The following CNTN6 variants were observed in gnomAD, a reference collection of about 807,000 sequenced individuals.
CNTN6 encodes the protein contactin 6, also known as contactin-6.
CNTN6 carries 137 observed loss-of-function variants against 122.8 expected under a neutral mutation model. The ratio of observed to expected loss-of-function variants is 1.12; its 90% CI spans 0.97 to 1.29. CNTN6 has a LOEUF of 1.29. Among genes scored for constraint, CNTN6 ranks in the 50% most tolerant of loss-of-function variants. The pLI is 0.00. For missense variants in CNTN6, 1,634 were observed against 1,223.4 expected (o/e 1.34, Z -5.01); for synonymous variants, 570 against 426.0 (o/e 1.34, Z -4.16).
intron 4 of CNTN6, among the ~76,000 whole-genome samples, chr3:1,271,247 A>G (rs2095021425): frequency 6.6e-6 from 1 of 152,146 alleles, no homozygotes. Flanking sequence ...ATACAGATCA[A>G]TCAATTTCTG....
intron 7 of CNTN6, among the ~76,000 whole-genome samples, chr3:1,316,309 C>G (rs903616996): frequency 6.6e-6 from 1 of 151,928 alleles, no homozygotes; most frequent in Non-Finnish European, 1.5e-5. Context: ...GGAAGCATAA[C>G]AGCTTCTGCT....
At chr3:1,234,371 C>A (rs143027157) in intron 4 of CNTN6, among the ~76,000 whole-genome samples, 69 of 152,186 alleles carry the variant, frequency 4.5e-4, no homozygotes, top group African/African-American at 1.6e-3. Flanking sequence ...ATTTTTATTT[C>A]TATCTTTTGA....
intron 19 of CNTN6, among the ~76,000 whole-genome samples, chr3:1,384,677 TATATATATATAC>T (rs57587572): frequency 0.12 from 15,558 of 129,156 alleles, 1,097 homozygotes; most frequent in Middle Eastern, 0.16. Flanking sequence ...TATATATATA[TATATATATATAC>T]ACACACACAC....
chr3:1,308,277 A>G (rs921935051), intron 7 of CNTN6, among the ~76,000 whole-genome samples: 17 of 122,672 alleles, frequency 1.4e-4, no homozygotes, highest in East Asian at 8.2e-4. Context: ...TCATCAATGT[A>G]TGGGGTGTTT....
chr3:1,134,231 C>T (rs1428070465), intron 1 of CNTN6, among the ~76,000 whole-genome samples: 3 of 152,122 alleles, frequency 2.0e-5, no homozygotes, highest in Non-Finnish European at 4.4e-5. Flanking sequence ...GACTTTTATA[C>T]TTGTCGTTAC....
chr3:1,145,659 A>G (rs1195688180), intron 1 of CNTN6, among the ~76,000 whole-genome samples: 2 of 152,204 alleles, frequency 1.3e-5, no homozygotes, highest in African/African-American at 4.8e-5. Flanking sequence ...ACCATTGTAT[A>G]GGTTTTTAGG....
intron 4 of CNTN6, among the ~76,000 whole-genome samples, chr3:1,229,784 C>T (rs1439519089): frequency 6.6e-6 from 1 of 152,012 alleles, no homozygotes; most frequent in African/African-American, 2.4e-5. Flanking sequence ...ATTGACTTTC[C>T]CATCTTATCA....
chr3:1,109,495 G>C (rs2091378980), intron 1 of CNTN6, among the ~76,000 whole-genome samples: 1 of 151,844 alleles, frequency 6.6e-6, no homozygotes. Context: ...TAATAGACAA[G>C]TTTCTCTGTG....
intron 12 of CNTN6, among the ~76,000 whole-genome samples, chr3:1,369,262 A>G (rs990471080): frequency 6.6e-6 from 1 of 152,258 alleles, no homozygotes; most frequent in South Asian, 2.1e-4. Flanking sequence ...CACTTCTAGT[A>G]TATGGTGCTT....
At position 1,344,039 on chromosome 3, in the gene CNTN6, C is replaced by T. The variant is rs570259382; in HGVS notation, c.1365-8285C>T. On this transcript the variant is annotated intron_variant, in intron 11 of 22. Coordinates refer to ENST00000446702, the MANE Select transcript of CNTN6 (RefSeq NM_001289080.2). ...GACTCAGTAGAAAAAACACTGACTC[C>T]GTATCAGAAGACCTGTATCGGGGCT... Among the ~76,000 whole-genome samples, 17 of 152,202 alleles carry T rather than the reference C, an allele frequency of 1.1e-4. No individual in the cohort carries two copies. In the South Asian group the frequency reaches 3.1e-3, roughly 28 times the overall value.
chr3:1,276,050 G>T (rs947783838), intron 4 of CNTN6, among the ~76,000 whole-genome samples: 4 of 152,038 alleles, frequency 2.6e-5, no homozygotes, highest in African/African-American at 9.7e-5. Flanking sequence ...CCATAGTAAG[G>T]TTGTTAAAAA....
At chr3:1,252,556 C>T (rs2094688364) in intron 4 of CNTN6, among the ~76,000 whole-genome samples, 1 of 152,044 alleles carries the variant, frequency 6.6e-6, no homozygotes, top group Non-Finnish European at 1.5e-5. Context: ...ATACAACAAA[C>T]ACTTTAAAAC....
intron 5 of CNTN6, among the ~76,000 whole-genome samples, chr3:1,286,508 C>T (rs1231753912): frequency 1.3e-5 from 2 of 152,092 alleles, no homozygotes; most frequent in Non-Finnish European, 2.9e-5. Flanking sequence ...TCATCCATGT[C>T]CCTGCAAAGG....
intron 10 of CNTN6, among the ~76,000 whole-genome samples, chr3:1,327,977 T>C (rs1701775169): frequency 1.3e-5 from 2 of 151,870 alleles, no homozygotes; most frequent in Non-Finnish European, 2.9e-5. Context: ...AAGAGGGGCA[T>C]TGGCTGCCGG....
chr3:1,367,881 G>A (rs959825345), intron 12 of CNTN6, among the ~76,000 whole-genome samples: 4 of 152,150 alleles, frequency 2.6e-5, no homozygotes, highest in African/African-American at 4.8e-5. Context: ...GTCAACAGGA[G>A]GATCCAAGGT....
chr3:1,399,585 T>A (rs941840837), intron 20 of CNTN6, among the ~76,000 whole-genome samples: 1 of 152,054 alleles, frequency 6.6e-6, no homozygotes, highest in South Asian at 2.1e-4. Context: ...CGGCAATTGG[T>A]CTTGATCATA....
rs978658120 is a variant in CNTN6 at position 1,363,356 on chromosome 3, A to C, written c.1493-8943A>C. Among the ~76,000 whole-genome samples, 2 of 151,864 alleles carry C rather than the reference A, an allele frequency of 1.3e-5. 1 individual carries two copies. The highest frequency in any genetic ancestry group is 2.9e-5 in the Non-Finnish European group (2 of 67,870). ...ACTGTATCATTGTGCTGTGCATTCT[A>C]TCTCTAGACTTATTTGTTCTACATA... On this transcript the variant is annotated intron_variant, in intron 12 of 22. Transcript: ENST00000446702.
intron 20 of CNTN6, among the ~76,000 whole-genome samples, chr3:1,398,101 C>T (rs1475930857): frequency 6.6e-6 from 1 of 151,774 alleles, no homozygotes; most frequent in Non-Finnish European, 1.5e-5. Context: ...CTGAGTTTAC[C>T]ATTGACAGAC....
At chr3:1,115,954 T>C (rs964461828) in intron 1 of CNTN6, among the ~76,000 whole-genome samples, 3 of 152,180 alleles carry the variant, frequency 2.0e-5, no homozygotes, top group African/African-American at 7.2e-5. Flanking sequence ...ATAGTAGCAG[T>C]AACGTCAGAA....
Sources: gnomAD v4.1 joint callset for allele counts (sites outside exome capture counted in the v4.1 genomes callset) on GRCh38, gnomAD v4.1.1 for gene constraint, MANE v1.5 for transcripts, NCBI Gene and HGNC (gene_info 2026-07-23, HGNC 2026-07-21) for gene names.